ASB18: variants seen among roughly 807,000 people sequenced by gnomAD.
ASB18 encodes the protein ankyrin repeat and SOCS box containing 18, also known as ankyrin repeat and SOCS box protein 18.
A neutral mutation model predicts 33.4 loss-of-function variants in ASB18; 33 were observed. The observed-to-expected ratio is 0.99, with a 90% CI of 0.75 to 1.32. The LOEUF (loss-of-function observed/expected upper bound fraction) is 1.32, where lower values mean the gene tolerates loss of function less well. ASB18 is among the 40% of genes most tolerant of loss of function. The pLI, the probability that ASB18 is intolerant of heterozygous loss-of-function variation, is 0.00. For missense variants in ASB18, 694 were observed against 655.5 expected (o/e 1.06, Z -0.64); for synonymous variants, 295 against 307.6 (o/e 0.96, Z 0.43).
In ASB18 at chr2:236,259,701, T is replaced by G; in HGVS notation, c.205+4440A>C. ...CAGCCTCAGTGAGCCCAGCAGGATG[T>G]TGGGCATCTCAGGTCCATCCTTGCA... is the stretch of plus-strand genomic sequence containing the variant. On this transcript the variant is annotated intron_variant, in intron 1 of 5. Transcript: ENST00000409749. The surrounding 1 kb of genome is among the most constrained non-coding windows in gnomAD (Gnocchi z 4.4). 2.4e-6 allele frequency: 1 copy of G among 422,480 alleles called. No homozygotes were observed. The highest frequency in any genetic ancestry group is 2.5e-5 in the Admixed American group (1 of 40,304). 26.2% of individuals were successfully genotyped at this position (422,480 alleles called of 1,614,324 possible).
At position 236,234,435 on chromosome 2, in the gene ASB18, G is replaced by A. The variant is rs143230876; in HGVS notation, c.596+3254C>T. 8.2e-4 allele frequency among the ~76,000 whole-genome samples: 125 copies of A among 152,284 alleles called. No homozygotes were observed. The highest frequency in any genetic ancestry group is 2.9e-3 in the African/African-American group (120 of 41,546). Reference sequence around the variant, plus strand: ...GTGTTGACATCATCCAGCCCCTTTTGTCTAGGTGTTATCCTTTTTGGTGTG... The same window carrying A: ...GTGTTGACATCATCCAGCCCCTTTTATCTAGGTGTTATCCTTTTTGGTGTG... On this transcript the variant is annotated intron_variant, in intron 3 of 5. Transcript: ENST00000409749. This position sits in a 1 kb window ranked among gnomAD's most constrained non-coding sequence, Gnocchi z 4.1.
At chr2:236,227,475 C>G (rs1378133023) in intron 3 of ASB18, among the ~76,000 whole-genome samples, 1 of 152,162 alleles carries the variant, frequency 6.6e-6, no homozygotes, top group Non-Finnish European at 1.5e-5. Flanking sequence ...TCATAACCAT[C>G]CTATGTAGTA....
At position 236,248,942 on chromosome 2, in the gene ASB18, C is replaced by T. The variant is rs2060657448; in HGVS notation, c.206-7540G>A. ...CTTGTGAATCGAATGACTGAAACAGCTATTCACTACTATGGGTTCCCCGTT... is the reference window on the plus strand; with the variant it reads ...CTTGTGAATCGAATGACTGAAACAGTTATTCACTACTATGGGTTCCCCGTT... On this transcript the variant is annotated intron_variant, in intron 1 of 5. Coordinates refer to ENST00000409749, the MANE Select transcript of ASB18 (RefSeq NM_212556.4). The surrounding 1 kb of genome is among the most constrained non-coding windows in gnomAD (Gnocchi z 4.9). 1 of 152,226 alleles carries T rather than the reference C, an allele frequency of 6.6e-6. No individual in the cohort carries two copies. The highest frequency in any genetic ancestry group is 2.4e-5 in the African/African-American group (1 of 41,468). 9.4% of individuals were successfully genotyped at this position (152,226 alleles called of 1,614,324 possible).
At position 236,237,337 on chromosome 2, in the gene ASB18, GGGGGCC is replaced by G. The variant is rs1233876173; in HGVS notation, c.596+346_596+351del. Among the ~76,000 whole-genome samples, 3 of 67,614 alleles carry G rather than the reference GGGGGCC, an allele frequency of 4.4e-5. No homozygotes were observed. The highest frequency in any genetic ancestry group is 1.1e-4 in the Non-Finnish European group (3 of 28,154). The allele number at this position is 67,614 out of a possible 152,430, so 44.4% of individuals were successfully genotyped here. On this transcript the variant is annotated intron_variant, in intron 3 of 5. Transcript: ENST00000409749. This position sits in a 1 kb window ranked among gnomAD's most constrained non-coding sequence, Gnocchi z 6.2. ...GCAATCAAGCGCTAATTAAACCCGC[GGGGGCC>G]GGGGCCGGGGCGCGGGGCGGGGGCC...
rs1281662927 is a variant in ASB18, at chr2:236,260,934, C to T, written c.205+3207G>A. On this transcript the variant is annotated intron_variant, in intron 1 of 5. Transcript: ENST00000409749. This position sits in a 1 kb window ranked among gnomAD's most constrained non-coding sequence, Gnocchi z 5.1. ...CTTGTGGGTCTCTGTGTGGGAAGCA[C>T]TAATCTAATCTCATACCCTCGTTAA... 1.3e-5 allele frequency among the ~76,000 whole-genome samples: 2 copies of T among 152,140 alleles called. No individual in the cohort carries two copies. Among genetic ancestry groups the T allele is most frequent in the African/African-American group, 4.8e-5 (2 of 41,424 alleles).
rs2060482687 is a variant in ASB18 at position 236,215,274 on chromosome 2, C to G, written c.597-408G>C. 1.3e-5 allele frequency among the ~76,000 whole-genome samples: 2 copies of G among 152,140 alleles called. No individual in the cohort carries two copies. The highest frequency in any genetic ancestry group is 2.9e-5 in the Non-Finnish European group (2 of 68,032). On this transcript the variant is annotated intron_variant, in intron 3 of 5. Transcript: ENST00000409749. The surrounding 1 kb of genome is among the most constrained non-coding windows in gnomAD (Gnocchi z 7.2). Reference sequence around the variant, plus strand: ...AGGAGAGGCCCTTGGGGGTCAGACTCTTTCCCGGCCCCCATCTAGCCCTTC... The same window carrying G: ...AGGAGAGGCCCTTGGGGGTCAGACTGTTTCCCGGCCCCCATCTAGCCCTTC...
intron 3 of ASB18, among the ~76,000 whole-genome samples, chr2:236,218,797 C>CAAAAAAA (rs574423455): frequency 5.5e-5 from 5 of 91,592 alleles, no homozygotes; most frequent in Admixed American, 1.2e-4. Context: ...GACTCCATCT[C>CAAAAAAA]AAAAAAAAAA....
rs1296826959 is a variant in ASB18, at chr2:236,251,755, C to T, written c.206-10353G>A. Among the ~76,000 whole-genome samples the T allele has an allele frequency of 2.0e-5, 3 of 152,174 alleles. No homozygotes were observed. Among genetic ancestry groups the T allele is most frequent in the African/African-American group, 4.8e-5 (2 of 41,428 alleles). On this transcript the variant is annotated intron_variant, in intron 1 of 5. Transcript: ENST00000409749. The surrounding 1 kb of genome is among the most constrained non-coding windows in gnomAD (Gnocchi z 5.3). ...TGCTGAAACACTGGACTGCTAATCA[C>T]GTTCAATTTTACTAACCTAAAATAC... is the stretch of plus-strand genomic sequence containing the variant.
At chr2:236,242,203 T>C (rs1307114803) in intron 1 of ASB18, among the ~76,000 whole-genome samples, 2 of 152,180 alleles carry the variant, frequency 1.3e-5, no homozygotes, top group Non-Finnish European at 2.9e-5. Flanking sequence ...TGTGCGTCTG[T>C]CTCAAGAGTC....
chr2:236,239,274 T>TC lies in ASB18; in HGVS notation c.329-1319dup, dbSNP rs1415032257. ...ACTGCCTTCTCTGGGAAATGCTAAA[T>TC]CCCCAACCCAGCCCCACCCTACCCT... On this transcript the variant is annotated intron_variant, in intron 2 of 5. Transcript: ENST00000409749. The surrounding 1 kb of genome is among the most constrained non-coding windows in gnomAD (Gnocchi z 5.6). Among the ~76,000 whole-genome samples the TC allele has an allele frequency of 3.9e-5, 6 of 152,100 alleles. No homozygotes were observed. The South Asian group carries it at 8.3e-4, about 21-fold the overall frequency.
In ASB18 at chr2:236,238,715, G is replaced by A. The variant is rs767473785; in HGVS notation, c.329-759C>T. On this transcript the variant is annotated intron_variant, in intron 2 of 5. Transcript: ENST00000409749. The surrounding 1 kb of genome is among the most constrained non-coding windows in gnomAD (Gnocchi z 5.2). ...AAACTTTGGCACTTTCAAAAAGCCC[G>A]TGGAAGGTTGTTAGCGGCCAGGAGC... Among the ~76,000 whole-genome samples, 6 of 152,214 alleles carry A rather than the reference G, an allele frequency of 3.9e-5. No individual in the cohort carries two copies. The highest frequency in any genetic ancestry group is 1.9e-4 in the East Asian group (1 of 5,170).
In ASB18 at chr2:236,225,179, T is replaced by C. The variant is rs1019134193; in HGVS notation, c.597-10313A>G. Among the ~76,000 whole-genome samples the C allele has an allele frequency of 6.6e-6, 1 of 152,192 alleles. No individual in the cohort carries two copies. The highest frequency in any genetic ancestry group is 2.4e-5 in the African/African-American group (1 of 41,432). On this transcript the variant is annotated intron_variant, in intron 3 of 5. Transcript: ENST00000409749. The surrounding 1 kb of genome is among the most constrained non-coding windows in gnomAD (Gnocchi z 5.1). ...CTCTGTCACTCAGGTTGCAGTGCAGTGACATGATCATGACTCACTGTAGCC... is the reference window on the plus strand; with the variant it reads ...CTCTGTCACTCAGGTTGCAGTGCAGCGACATGATCATGACTCACTGTAGCC...
In ASB18 at chr2:236,234,248, T is replaced by C. The variant is rs1349002792; in HGVS notation, c.596+3441A>G. ...AGACCCTTGCCCCCTCCCCTGGCTA[T>C]GTCCCCTAGGAGGCTGCTATGAGAT... is the stretch of plus-strand genomic sequence containing the variant. On this transcript the variant is annotated intron_variant, in intron 3 of 5. Transcript: ENST00000409749. This position sits in a 1 kb window ranked among gnomAD's most constrained non-coding sequence, Gnocchi z 4.1. 6.6e-6 allele frequency among the ~76,000 whole-genome samples: 1 copy of C among 152,166 alleles called. No individual in the cohort carries two copies. Among genetic ancestry groups the C allele is most frequent in the Non-Finnish European group, 1.5e-5 (1 of 67,982 alleles).
rs1002983213 is a variant in ASB18, at chr2:236,220,096, C to T, written c.597-5230G>A. Among the ~76,000 whole-genome samples the T allele has an allele frequency of 6.6e-6, 1 of 152,066 alleles. No homozygotes were observed. The highest frequency in any genetic ancestry group is 2.1e-4 in the South Asian group (1 of 4,824). ...AGCAGAAAGAAAAAGTAACTTGAGC[C>T]AAAAGGCAGGAGTTAATAGAGATGA... is the stretch of plus-strand genomic sequence containing the variant. On this transcript the variant is annotated intron_variant, in intron 3 of 5. Transcript: ENST00000409749. This position sits in a 1 kb window ranked among gnomAD's most constrained non-coding sequence, Gnocchi z 5.1.
rs2060522299 is a variant in ASB18, at chr2:236,223,468, G to C, written c.597-8602C>G. Among the ~76,000 whole-genome samples, 1 of 152,188 alleles carries C rather than the reference G, an allele frequency of 6.6e-6. No individual in the cohort carries two copies. The highest frequency in any genetic ancestry group is 6.5e-5 in the Admixed American group (1 of 15,288). ...TATTAGCTTCTTAGACAGGGATAGG[G>C]GTGAGGTGGGGGGAGCTTTAAACTG... is the stretch of plus-strand genomic sequence containing the variant. On this transcript the variant is annotated intron_variant, in intron 3 of 5. Transcript: ENST00000409749. The surrounding 1 kb of genome is among the most constrained non-coding windows in gnomAD (Gnocchi z 4.6).
chr2:236,211,724 G>C lies in ASB18; in HGVS notation c.1101+2638C>G, dbSNP rs1357032254. On this transcript the variant is annotated intron_variant, in intron 4 of 5. Transcript: ENST00000409749. This position sits in a 1 kb window ranked among gnomAD's most constrained non-coding sequence, Gnocchi z 5.0. ...AGCGATTGCAGGGAGACTGGGTGGAGGAAGAGGCTGCCTCTAGCTTTCCAC... is the reference window on the plus strand; with the variant it reads ...AGCGATTGCAGGGAGACTGGGTGGACGAAGAGGCTGCCTCTAGCTTTCCAC... 6.6e-6 allele frequency among the ~76,000 whole-genome samples: 1 copy of C among 152,210 alleles called. No homozygotes were observed. Among genetic ancestry groups the C allele is most frequent in the Non-Finnish European group, 1.5e-5 (1 of 68,036 alleles).
chr2:236,240,150 T>C (rs1413688865), intron 2 of ASB18, among the ~76,000 whole-genome samples: 1 of 152,154 alleles, frequency 6.6e-6, no homozygotes, highest in African/African-American at 2.4e-5. Flanking sequence ...GACATTTGTG[T>C]GTGTGTATGT....
rs142044502 is a variant in ASB18 at position 236,231,724 on chromosome 2, C to T, written c.596+5965G>A. 5.6e-3 allele frequency among the ~76,000 whole-genome samples: 856 copies of T among 152,306 alleles called. 2 individuals are homozygous for T. Among genetic ancestry groups the T allele is most frequent in the Non-Finnish European group, 6.4e-3 (437 of 68,034 alleles). On this transcript the variant is annotated intron_variant, in intron 3 of 5. Transcript: ENST00000409749. The surrounding 1 kb of genome is among the most constrained non-coding windows in gnomAD (Gnocchi z 5.5). ...AAGTGCTGGGATTACTGGTGTGATCCACTGCACCTGGCCTAGACCAAAGAA... is the reference window on the plus strand; with the variant it reads ...AAGTGCTGGGATTACTGGTGTGATCTACTGCACCTGGCCTAGACCAAAGAA...
In ASB18 at chr2:236,252,803, A is replaced by C. The variant is rs911127004; in HGVS notation, c.205+11338T>G. Among the ~76,000 whole-genome samples, 9 of 152,148 alleles carry C rather than the reference A, an allele frequency of 5.9e-5. No homozygotes were observed. The highest frequency in any genetic ancestry group is 1.2e-4 in the Non-Finnish European group (8 of 68,022). On this transcript the variant is annotated intron_variant, in intron 1 of 5. Coordinates refer to ENST00000409749, the MANE Select transcript of ASB18 (RefSeq NM_212556.4). This position sits in a 1 kb window ranked among gnomAD's most constrained non-coding sequence, Gnocchi z 7.9. ...GGCCTAGATCCTTTGGTGGACACAG[A>C]GATGAACCACCCAGGCCCCAGCTGT...
Sources: gnomAD v4.1 joint callset for allele counts (sites outside exome capture counted in the v4.1 genomes callset) on GRCh38, gnomAD v4.1.1 for gene constraint, Gnocchi (gnomAD v3.1) non-coding constraint, MANE v1.5 for transcripts, NCBI Gene and HGNC (gene_info 2026-07-23, HGNC 2026-07-21) for gene names.